Variants in CMTR1 observed in about 807,000 individuals in gnomAD.
CMTR1 encodes the protein cap-specific mRNA (nucleoside-2'-O-)-methyltransferase 1.
A neutral mutation model predicts 107.0 loss-of-function variants in CMTR1; 39 were observed. That is an observed-to-expected ratio of 0.36 (90% confidence interval 0.28 to 0.48). The LOEUF (loss-of-function observed/expected upper bound fraction) is 0.48. Among genes scored for constraint, CMTR1 ranks in the 20% least tolerant of loss-of-function variants. CMTR1 has a pLI of 0.99. For synonymous variants in CMTR1, 366 were observed against 379.5 expected (o/e 0.96, Z 0.41); for missense variants, 672 against 1,064.9 (o/e 0.63, Z 5.14).
chr6:37,432,125 G>C (rs531026315), upstream of CMTR1, among the ~76,000 whole-genome samples: 1 of 152,058 alleles, frequency 6.6e-6, no homozygotes, highest in Non-Finnish European at 1.5e-5. Flanking sequence ...GCGGAGACAC[G>C]GCATATTTGA....
At chr6:37,447,869 A>G (rs1168457803) in intron 4 of CMTR1, among the ~76,000 whole-genome samples, 1 of 145,568 alleles carries the variant, frequency 6.9e-6, no homozygotes, top group Admixed American at 6.8e-5. Context: ...CTTTGTCTCA[A>G]AAAAAAAAAA....
chr6:37,425,565 C>G, the CMTR1 span, among the ~76,000 whole-genome samples: 2 of 152,224 alleles, frequency 1.3e-5, no homozygotes, highest in Middle Eastern at 6.8e-3. Flanking sequence ...GCTGGGATTA[C>G]AGGCATGAGC....
rs757342288 is a variant in CMTR1 at position 37,458,378 on chromosome 6, G to A, written c.778-234G>A. On this transcript the variant is annotated intron_variant, in intron 8 of 23. Transcript: ENST00000373451. This position sits in a 1 kb window ranked among gnomAD's most constrained non-coding sequence, Gnocchi z 4.7. ...CTCCATGAAGATGTTTTTATGAGGA[G>A]TCTGAGCTAGGCCTGGTGATGTGAT... Among the ~76,000 whole-genome samples the A allele has an allele frequency of 7.2e-5, 11 of 152,144 alleles. No individual in the cohort carries two copies. The highest frequency in any genetic ancestry group is 1.3e-4 in the Non-Finnish European group (9 of 68,030).
chr6:37,451,589 C>T (rs2113872740), intron 5 of CMTR1, among the ~76,000 whole-genome samples: 2 of 152,202 alleles, frequency 1.3e-5, no homozygotes, highest in Admixed American at 1.3e-4. Flanking sequence ...CTCAGAGCTC[C>T]TGGGGTGGGG....
chr6:37,479,593 C>T (rs1561795051), intron 23 of CMTR1, among the ~76,000 whole-genome samples: 1 of 152,338 alleles, frequency 6.6e-6, no homozygotes, highest in Admixed American at 6.5e-5. Context: ...GCTGAGGGCC[C>T]ACAGCCCTGC....
chr6:37,476,993 C>G lies in CMTR1; in HGVS notation c.2106-599C>G, dbSNP rs138632513. 3.0e-4 allele frequency among the ~76,000 whole-genome samples: 46 copies of G among 152,166 alleles called. No individual in the cohort carries two copies. In the East Asian group the frequency reaches 6.4e-3, roughly 21 times the overall value. ...CTGAAAGACAGCTCCCAGGGGGAAC[C>G]CTGCCTTCATTGCTTGTGGTTTGGT... On this transcript the variant is annotated intron_variant, in intron 20 of 23. Coordinates refer to ENST00000373451, the MANE Select transcript of CMTR1 (RefSeq NM_015050.3).
chr6:37,459,346 C>T (rs772808461), intron 9 of CMTR1, among the ~76,000 whole-genome samples: 20 of 152,234 alleles, frequency 1.3e-4, no homozygotes, highest in South Asian at 2.1e-4. Context: ...GAAAGTTCCA[C>T]GAGTTGATGA....
chr6:37,435,144 G>A (rs950243114), intron 1 of CMTR1, among the ~76,000 whole-genome samples: 1 of 152,132 alleles, frequency 6.6e-6, no homozygotes, highest in Non-Finnish European at 1.5e-5. Flanking sequence ...ATGATATTAT[G>A]TAATTTCTTA....
At chr6:37,476,251 G>C in intron 20 of CMTR1, 57 bp downstream of exon 20, 1 of 1,567,700 alleles carries the variant, frequency 6.4e-7, no homozygotes, top group Non-Finnish European at 8.8e-7. Flanking sequence ...TGCTGCTCCC[G>C]TCCAGTGAGG....
At chr6:37,454,360 T>C (rs1279653801) in intron 8 of CMTR1, among the ~76,000 whole-genome samples, 1 of 152,190 alleles carries the variant, frequency 6.6e-6, no homozygotes, top group Non-Finnish European at 1.5e-5. Context: ...CATTACTCAT[T>C]TTTCACTCCC....
At chr6:37,467,648 C>T (rs1320305752) in intron 13 of CMTR1, among the ~76,000 whole-genome samples, 1 of 152,184 alleles carries the variant, frequency 6.6e-6, no homozygotes, top group African/African-American at 2.4e-5. Flanking sequence ...TGTTATTAGG[C>T]ACATGTACAT....
chr6:37,476,230 T>C (rs201294681), intron 20 of CMTR1, 36 bp downstream of exon 20: 7 of 1,608,366 alleles, frequency 4.4e-6, no homozygotes, highest in Admixed American at 3.3e-5. Context: ...TGCTTCTTTC[T>C]GGCCAGTACC....
At chr6:37,443,675 C>T (rs1002524618) in intron 2 of CMTR1, among the ~76,000 whole-genome samples, 4 of 152,106 alleles carry the variant, frequency 2.6e-5, no homozygotes, top group Non-Finnish European at 1.5e-5. Flanking sequence ...TTTTCAAATA[C>T]GTTATTTCAT....
At chr6:37,424,247 C>CT in the CMTR1 span, among the ~76,000 whole-genome samples, 41 of 142,964 alleles carry the variant, frequency 2.9e-4, no homozygotes, top group East Asian at 1.2e-3. Flanking sequence ...CTTTTTCTTT[C>CT]TTTTTTTTTT....
At chr6:37,451,744 C>A in intron 5 of CMTR1, 62 bp from the exon 6 acceptor site, 1 of 1,266,060 alleles carries the variant, frequency 7.9e-7, no homozygotes, top group Non-Finnish European at 1.2e-6. Flanking sequence ...CTAATTTCTT[C>A]ATTCATCCCC....
chr6:37,466,328 G>A (rs962773680), intron 13 of CMTR1, among the ~76,000 whole-genome samples: 2 of 151,924 alleles, frequency 1.3e-5, no homozygotes, highest in African/African-American at 4.8e-5. Flanking sequence ...GGCCAGGATG[G>A]TCTCGATCTC....
At chr6:37,471,503 G>T (rs895968254) in intron 14 of CMTR1, among the ~76,000 whole-genome samples, 3 of 152,214 alleles carry the variant, frequency 2.0e-5, no homozygotes, top group South Asian at 4.1e-4. Context: ...GATGGGTTTA[G>T]TGTGGCCTGT....
At chr6:37,441,964 G>C (rs977351122) in intron 2 of CMTR1, among the ~76,000 whole-genome samples, 13 of 152,156 alleles carry the variant, frequency 8.5e-5, no homozygotes, top group African/African-American at 3.1e-4. Flanking sequence ...CTCATACAGG[G>C]ACATTCTCAA....
chr6:37,429,674 T>C (rs1212446505), upstream of CMTR1, among the ~76,000 whole-genome samples: 1 of 152,230 alleles, frequency 6.6e-6, no homozygotes, highest in Non-Finnish European at 1.5e-5. Context: ...CAGACTCAGA[T>C]ACTTGTTACA....
Sources: allele counts gnomAD v4.1 joint callset (sites outside exome capture counted in the v4.1 genomes callset), GRCh38; gene constraint gnomAD v4.1.1; non-coding constraint Gnocchi (gnomAD v3.1); transcripts MANE v1.5; gene names NCBI Gene and HGNC (gene_info 2026-07-23, HGNC 2026-07-21).